MEI4: variants seen among roughly 807,000 people sequenced by gnomAD.
The protein encoded by MEI4 is meiosis-specific protein MEI4.
A neutral mutation model predicts 31.4 loss-of-function variants in MEI4; 27 were observed. The ratio of observed to expected loss-of-function variants is 0.86; its 90% CI spans 0.63 to 1.19. The LOEUF is 1.19. Among genes scored for constraint, MEI4 ranks in the 50% most tolerant of loss-of-function variants. MEI4 has a pLI of 0.00. For missense variants in MEI4, 329 were observed against 398.9 expected, an observed-to-expected ratio of 0.82 and a Z score of 1.49; for synonymous variants, 122 against 145.4, an observed-to-expected ratio of 0.84 and a Z score of 1.16.
At chr6:77,743,620 C>T (rs1289866536) in intron 2 of MEI4, among the ~76,000 whole-genome samples, 1 of 152,184 alleles carries the variant, frequency 6.6e-6, no homozygotes, top group Non-Finnish European at 1.5e-5. Flanking sequence ...AGCAGTGGTT[C>T]TCCCAGCACG....
chr6:77,823,831 C>T (rs1016494871), intron 3 of MEI4, among the ~76,000 whole-genome samples: 6 of 152,086 alleles, frequency 3.9e-5, no homozygotes, highest in African/African-American at 9.7e-5. Flanking sequence ...AACATTTATG[C>T]GTGATACCAT....
chr6:77,886,800 T>A (rs1049421829), intron 4 of MEI4, among the ~76,000 whole-genome samples: 1 of 152,196 alleles, frequency 6.6e-6, no homozygotes, highest in South Asian at 2.1e-4. Flanking sequence ...CTGGTTTTAA[T>A]GTCTCCATTT....
intron 4 of MEI4, among the ~76,000 whole-genome samples, chr6:77,855,356 G>C (rs75351530): frequency 6.6e-6 from 1 of 151,380 alleles, no homozygotes; most frequent in Non-Finnish European, 1.5e-5. Context: ...AAAAAAAAAA[G>C]ACAATTACTG....
At chr6:77,752,589 C>T (rs943089728) in intron 2 of MEI4, among the ~76,000 whole-genome samples, 3 of 152,184 alleles carry the variant, frequency 2.0e-5, no homozygotes, top group African/African-American at 7.2e-5. Context: ...CTACAAACCA[C>T]TGCTTAAGGA....
At chr6:77,819,436 A>G (rs1769764779) in intron 3 of MEI4, among the ~76,000 whole-genome samples, 1 of 152,148 alleles carries the variant, frequency 6.6e-6, no homozygotes, top group African/African-American at 2.4e-5. Context: ...AGAAATCATT[A>G]TTGGACCAGA....
chr6:77,858,067 T>C (rs1014671129), intron 4 of MEI4, among the ~76,000 whole-genome samples: 1 of 152,218 alleles, frequency 6.6e-6, no homozygotes, highest in Non-Finnish European at 1.5e-5. Flanking sequence ...GTATAAGTTT[T>C]ATCTGTCATA....
In MEI4 at chr6:77,731,479, G is replaced by GT. The variant is rs777284801; in HGVS notation, c.233-29644dup. Among the ~76,000 whole-genome samples, 7 of 151,128 alleles carry GT rather than the reference G, an allele frequency of 4.6e-5. No homozygotes were observed. The East Asian group carries it at 7.8e-4, about 17-fold the overall frequency. ...TGCCCACTTTTTGATGGGGTTGTTTGTTTTTTTCTTGTAAATTTATTTGAG... is the reference window on the plus strand; with the variant it reads ...TGCCCACTTTTTGATGGGGTTGTTTGTTTTTTTTCTTGTAAATTTATTTGAG... On this transcript the variant is annotated intron_variant, in intron 2 of 4. Coordinates refer to ENST00000684080, the MANE Select transcript of MEI4 (RefSeq NM_001322247.2).
At chr6:77,862,840 G>A (rs1473983477) in intron 4 of MEI4, among the ~76,000 whole-genome samples, 1 of 152,164 alleles carries the variant, frequency 6.6e-6, no homozygotes, top group Non-Finnish European at 1.5e-5. Context: ...GGGGCAGACT[G>A]ACACGTCACA....
chr6:77,869,965 C>T (rs563794114), intron 4 of MEI4, among the ~76,000 whole-genome samples: 1 of 152,170 alleles, frequency 6.6e-6, no homozygotes, highest in East Asian at 1.9e-4. Flanking sequence ...CCCACAACTC[C>T]TGGACATTCC....
intron 4 of MEI4, among the ~76,000 whole-genome samples, chr6:77,873,340 G>T (rs572833175): frequency 3.2e-4 from 49 of 152,274 alleles, no homozygotes; most frequent in Middle Eastern, 3.4e-3. Context: ...GATTGGCATT[G>T]CTCTGATGGC....
chr6:77,730,271 A>G (rs755103927), intron 2 of MEI4, among the ~76,000 whole-genome samples: 5 of 152,158 alleles, frequency 3.3e-5, no homozygotes, highest in Non-Finnish European at 7.3e-5. Flanking sequence ...ACATTGATGA[A>G]TGGAAATTAT....
rs963695168 is a variant in MEI4, at chr6:77,732,612, C to A, written c.233-28518C>A. On this transcript the variant is annotated intron_variant, in intron 2 of 4. Coordinates refer to ENST00000684080, the MANE Select transcript of MEI4 (RefSeq NM_001322247.2). ...ACTTCCTCTTTTCCTAATTGAATAC[C>A]CTTTATTTCCTTCTCCTGCCTAATT... Among the ~76,000 whole-genome samples, 8 of 135,724 alleles carry A rather than the reference C, an allele frequency of 5.9e-5. 1 individual carries two copies. The highest frequency in any genetic ancestry group is 2.1e-4 in the African/African-American group (8 of 38,184). The allele number at this position is 135,724 out of a possible 152,430, so 89.0% of individuals were successfully genotyped here.
At chr6:77,770,294 G>C (rs1582124111) in intron 3 of MEI4, among the ~76,000 whole-genome samples, 1 of 151,948 alleles carries the variant, frequency 6.6e-6, no homozygotes, top group Non-Finnish European at 1.5e-5. Flanking sequence ...AGCCTGAATA[G>C]GCCAATAACA....
At chr6:77,697,735 T>C (rs1408391139) in intron 2 of MEI4, among the ~76,000 whole-genome samples, 1 of 151,868 alleles carries the variant, frequency 6.6e-6, no homozygotes, top group Non-Finnish European at 1.5e-5. Flanking sequence ...GAAAAAAGTA[T>C]ATATTCTGTT....
intron 3 of MEI4, among the ~76,000 whole-genome samples, chr6:77,774,007 A>T (rs1244847935): frequency 6.6e-6 from 1 of 152,110 alleles, no homozygotes; most frequent in Non-Finnish European, 1.5e-5. Context: ...AAAAAGACAG[A>T]TAATGACAAC....
intron 4 of MEI4, among the ~76,000 whole-genome samples, chr6:77,873,838 C>T (rs1414759741): frequency 6.6e-6 from 1 of 152,154 alleles, no homozygotes; most frequent in African/African-American, 2.4e-5. Context: ...GCCAGTTTTC[C>T]CAGCACCATT....
intron 4 of MEI4, among the ~76,000 whole-genome samples, chr6:77,896,917 T>A (rs1267425335): frequency 6.6e-6 from 1 of 152,040 alleles, no homozygotes; most frequent in African/African-American, 2.4e-5. Context: ...TTGAGACTAT[T>A]GTTTCACTTT....
At chr6:77,901,873 GTTGATTT>G (rs1649237150) in intron 4 of MEI4, among the ~76,000 whole-genome samples, 2 of 152,086 alleles carry the variant, frequency 1.3e-5, no homozygotes, top group Non-Finnish European at 2.9e-5. Flanking sequence ...TCCATTTTGA[GTTGATTT>G]TTGTATATGG....
intron 2 of MEI4, among the ~76,000 whole-genome samples, chr6:77,707,786 C>T (rs1313310383): frequency 6.6e-6 from 1 of 152,240 alleles, no homozygotes; most frequent in Non-Finnish European, 1.5e-5. Flanking sequence ...ACCTGTGGCT[C>T]AAAAGGCCCC....
Sources: allele counts gnomAD v4.1 joint callset (sites outside exome capture counted in the v4.1 genomes callset), GRCh38; gene constraint gnomAD v4.1.1; transcripts MANE v1.5; gene names NCBI Gene and HGNC (gene_info 2026-07-23, HGNC 2026-07-21).